TENM3: variants seen among roughly 807,000 people sequenced by gnomAD.
TENM3 encodes the protein teneurin-3.
A neutral mutation model predicts 255.1 loss-of-function variants in TENM3; 63 were observed. The ratio of observed to expected loss-of-function variants is 0.25; its 90% CI spans 0.20 to 0.30. The LOEUF is 0.30. TENM3 is among the 10% of genes least tolerant of loss of function. The pLI is 1.00. For missense variants in TENM3, 2,929 were observed against 3,461.1 expected (o/e 0.85, Z 3.86); for synonymous variants, 1,306 against 1,322.3 (o/e 0.99, Z 0.27).
At chr4:182,265,697 ATCT>A (rs1283127817) in intron 1 of TENM3, among the ~76,000 whole-genome samples, 1 of 152,180 alleles carries the variant, frequency 6.6e-6, no homozygotes, top group Non-Finnish European at 1.5e-5. Flanking sequence ...AACTATTGTA[ATCT>A]TCTGCCTTTC....
chr4:182,069,244 A>C, the TENM3 span, among the ~76,000 whole-genome samples: 3 of 152,242 alleles, frequency 2.0e-5, no homozygotes, highest in African/African-American at 7.2e-5. Context: ...AATTTGTTTC[A>C]TGGAGAGCTG....
the TENM3 span, among the ~76,000 whole-genome samples, chr4:181,664,050 C>G: frequency 6.6e-6 from 1 of 152,206 alleles, no homozygotes; most frequent in South Asian, 2.1e-4. Flanking sequence ...GGTTAAGAGA[C>G]TGGCCTCTGG....
intron 3 of TENM3, among the ~76,000 whole-genome samples, chr4:182,407,756 A>G (rs1048148947): frequency 3.9e-5 from 6 of 152,238 alleles, no homozygotes; most frequent in Non-Finnish European, 2.9e-5. Context: ...TTTAAAAAAG[A>G]CATCCCAATG....
the TENM3 span, among the ~76,000 whole-genome samples, chr4:182,103,700 T>C: frequency 1.3e-5 from 2 of 152,168 alleles, no homozygotes; most frequent in East Asian, 3.9e-4. Context: ...AACTCCTTCT[T>C]CTGACATCAA....
intron 12 of TENM3, among the ~76,000 whole-genome samples, chr4:182,702,733 C>CTT (rs1335529982): frequency 1.4e-5 from 2 of 143,356 alleles, no homozygotes; most frequent in Non-Finnish European, 3.1e-5. Context: ...AGCCCACGCT[C>CTT]TTTTTTTTTT....
intron 13 of TENM3, among the ~76,000 whole-genome samples, chr4:182,721,813 A>T (rs1051550049): frequency 1.3e-5 from 2 of 151,898 alleles, no homozygotes; most frequent in African/African-American, 4.8e-5. Flanking sequence ...TTTAATTTGC[A>T]TTTTCCTAAT....
chr4:182,777,365 T>C (rs893697521), intron 24 of TENM3, among the ~76,000 whole-genome samples: 1 of 152,040 alleles, frequency 6.6e-6, no homozygotes, highest in Non-Finnish European at 1.5e-5. Flanking sequence ...ATTCTCTCTG[T>C]GCCATTGCAC....
chr4:181,910,654 G>GTATA, the TENM3 span, among the ~76,000 whole-genome samples: 3 of 148,836 alleles, frequency 2.0e-5, no homozygotes. Flanking sequence ...GTGTGTGTGT[G>GTATA]TATTTTAGAG....
the TENM3 span, among the ~76,000 whole-genome samples, chr4:181,576,113 A>G: frequency 6.6e-6 from 1 of 151,902 alleles, no homozygotes; most frequent in Non-Finnish European, 1.5e-5. Context: ...TCCTACCCCT[A>G]CCCTTCCTAG....
the TENM3 span, among the ~76,000 whole-genome samples, chr4:181,993,691 C>T: frequency 6.6e-6 from 1 of 152,052 alleles, no homozygotes; most frequent in African/African-American, 2.4e-5. Context: ...ATGCCTCAAA[C>T]TTTAAAGACA....
chr4:182,023,613 C>T, the TENM3 span, among the ~76,000 whole-genome samples: 6 of 152,180 alleles, frequency 3.9e-5, no homozygotes, highest in Admixed American at 2.6e-4. Flanking sequence ...TCACTGGCCC[C>T]CTGTGCATGG....
At chr4:182,133,684 T>C in the TENM3 span, among the ~76,000 whole-genome samples, 2 of 152,210 alleles carry the variant, frequency 1.3e-5, no homozygotes, top group African/African-American at 4.8e-5. Context: ...GAAGTGTCAC[T>C]GAATTTTCAG....
chr4:181,450,933 C>T, the TENM3 span, among the ~76,000 whole-genome samples: 30 of 152,306 alleles, frequency 2.0e-4, no homozygotes, highest in East Asian at 3.5e-3. Flanking sequence ...TTAATGTAAG[C>T]AGCATTCTCT....
At chr4:181,923,160 T>C in the TENM3 span, among the ~76,000 whole-genome samples, 1 of 152,142 alleles carries the variant, frequency 6.6e-6, no homozygotes, top group African/African-American at 2.4e-5. Context: ...TCCAAGTATG[T>C]GGTCGATTTT....
chr4:181,760,983 C>CAT, the TENM3 span, among the ~76,000 whole-genome samples: 1 of 103,052 alleles, frequency 9.7e-6, no homozygotes, highest in Non-Finnish European at 2.0e-5. Flanking sequence ...CACACACACA[C>CAT]ACACACACAC....
the TENM3 span, among the ~76,000 whole-genome samples, chr4:182,076,471 G>A: frequency 6.6e-3 from 1,003 of 152,166 alleles, 4 homozygotes; most frequent in Non-Finnish European, 0.01. Context: ...CAAAGCGCTG[G>A]GATTACAGGC....
intron 6 of TENM3, among the ~76,000 whole-genome samples, chr4:182,672,259 A>G (rs2309758): frequency 0.65 from 98,916 of 151,994 alleles, 32,572 homozygotes; most frequent in African/African-American, 0.73. Context: ...CAGGTGGCAG[A>G]GATCCAGGGA....
At chr4:181,933,524 T>C in the TENM3 span, among the ~76,000 whole-genome samples, 8 of 152,300 alleles carry the variant, frequency 5.3e-5, no homozygotes, top group African/African-American at 9.6e-5. Context: ...CACCATATTA[T>C]ATTCAGAGAC....
the TENM3 span, among the ~76,000 whole-genome samples, chr4:181,816,944 A>G: frequency 6.6e-6 from 1 of 152,326 alleles, no homozygotes; most frequent in East Asian, 1.9e-4. Context: ...TCATCCTATG[A>G]GAGATAGTTT....
Sources: allele counts gnomAD v4.1 joint callset (sites outside exome capture counted in the v4.1 genomes callset), GRCh38; gene constraint gnomAD v4.1.1; transcripts MANE v1.5; gene names NCBI Gene and HGNC (gene_info 2026-07-23, HGNC 2026-07-21).